The following CSTPP1 variants were observed in gnomAD, a reference collection of about 807,000 sequenced individuals.
The protein encoded by CSTPP1 is UPF0705 protein C11orf49.
At chr11:47,083,761 A>G in the CSTPP1 span, among the ~76,000 whole-genome samples, 1 of 152,226 alleles carries the variant, frequency 6.6e-6, no homozygotes, top group African/African-American at 2.4e-5. Context: ...ATGTTCATCC[A>G]CATTGTGGAA....
chr11:47,163,173 TAAA>T, the CSTPP1 span, among the ~76,000 whole-genome samples: 2 of 108,228 alleles, frequency 1.8e-5, no homozygotes, highest in African/African-American at 3.6e-5. Flanking sequence ...GAGACCATCT[TAAA>T]AAAAAAAAAA....
At chr11:47,123,846 C>A in the CSTPP1 span, among the ~76,000 whole-genome samples, 2 of 152,034 alleles carry the variant, frequency 1.3e-5, no homozygotes, top group African/African-American at 4.8e-5. Context: ...ACTAAAAATA[C>A]AAAAATTAGC....
the CSTPP1 span, chr11:47,160,935 A>G: frequency 1.5e-6 from 1 of 671,916 alleles, no homozygotes; most frequent in South Asian, 1.9e-5. Flanking sequence ...GGATTCAATA[A>G]ATGTATCAAG....
chr11:46,980,794 G>A, the CSTPP1 span, among the ~76,000 whole-genome samples: 1 of 152,030 alleles, frequency 6.6e-6, no homozygotes, highest in Non-Finnish European at 1.5e-5. Context: ...AAGAAAATTG[G>A]CAAAGGATAA....
chr11:47,142,101 G>A, the CSTPP1 span, among the ~76,000 whole-genome samples: 1 of 151,648 alleles, frequency 6.6e-6, no homozygotes, highest in Admixed American at 6.6e-5. Flanking sequence ...AAATTAGCTG[G>A]GCGTGGTGAT....
chr11:46,998,404 G>C, the CSTPP1 span, among the ~76,000 whole-genome samples: 1 of 152,190 alleles, frequency 6.6e-6, no homozygotes, highest in African/African-American at 2.4e-5. Context: ...TGATAGAAAT[G>C]TACTTGCCAA....
At chr11:46,942,387 C>T in the CSTPP1 span, among the ~76,000 whole-genome samples, 12 of 152,252 alleles carry the variant, frequency 7.9e-5, no homozygotes, top group South Asian at 2.3e-3. Flanking sequence ...CTGTTCTGGT[C>T]CCAGGTTTGC....
chr11:47,057,478 A>C, the CSTPP1 span, among the ~76,000 whole-genome samples: 2 of 152,194 alleles, frequency 1.3e-5, no homozygotes, highest in African/African-American at 4.8e-5. Context: ...TACTAAGGGA[A>C]TTGCCCTCTT....
the CSTPP1 span, among the ~76,000 whole-genome samples, chr11:47,042,641 ACTT>A: frequency 1.3e-5 from 2 of 151,676 alleles, no homozygotes; most frequent in Non-Finnish European, 2.9e-5. Flanking sequence ...TCAAGGAAAA[ACTT>A]CAACAACTTA....
At chr11:46,997,637 C>T in the CSTPP1 span, among the ~76,000 whole-genome samples, 2 of 152,206 alleles carry the variant, frequency 1.3e-5, no homozygotes. Flanking sequence ...AAAAGGCACT[C>T]TGATTTTTAG....
At chr11:47,018,630 A>G in the CSTPP1 span, among the ~76,000 whole-genome samples, 1 of 152,204 alleles carries the variant, frequency 6.6e-6, no homozygotes, top group Non-Finnish European at 1.5e-5. Context: ...AGTGTTGTCC[A>G]GAGTGGCTGT....
the CSTPP1 span, among the ~76,000 whole-genome samples, chr11:47,078,424 G>T: frequency 1.3e-5 from 2 of 152,172 alleles, no homozygotes; most frequent in Non-Finnish European, 2.9e-5. Flanking sequence ...AGGAGAAAGC[G>T]GTGTTAGTGA....
the CSTPP1 span, among the ~76,000 whole-genome samples, chr11:46,955,986 A>ACC: frequency 3.5e-4 from 41 of 115,634 alleles, no homozygotes; most frequent in South Asian, 2.3e-3. Context: ...GACTCCATCC[A>ACC]CCCCCCCCCC....
At chr11:47,137,540 G>T in the CSTPP1 span, 1 of 1,576,054 alleles carries the variant, frequency 6.3e-7, no homozygotes, top group Non-Finnish European at 8.6e-7. Context: ...GCTTTTAAAA[G>T]AACAGCTCTA....
the CSTPP1 span, chr11:47,162,068 G>T: frequency 3.2e-5 from 32 of 989,034 alleles, no homozygotes; most frequent in Non-Finnish European, 3.7e-5. Context: ...CACCTGCGAC[G>T]CAAGTACCAG....
chr11:46,976,425 TACAC>T, the CSTPP1 span, among the ~76,000 whole-genome samples: 2 of 141,046 alleles, frequency 1.4e-5, no homozygotes, highest in African/African-American at 2.6e-5. Context: ...ACACACACAG[TACAC>T]ACACACACAC....
At chr11:47,070,740 G>C in the CSTPP1 span, among the ~76,000 whole-genome samples, 1 of 152,166 alleles carries the variant, frequency 6.6e-6, no homozygotes, top group African/African-American at 2.4e-5. Context: ...CTGCAAGACA[G>C]TTGGAAATGT....
At chr11:47,111,363 G>A in the CSTPP1 span, among the ~76,000 whole-genome samples, 16 of 152,142 alleles carry the variant, frequency 1.1e-4, no homozygotes, top group African/African-American at 3.6e-4. Flanking sequence ...TCCCCGCTAC[G>A]AGTGCATTCA....
the CSTPP1 span, among the ~76,000 whole-genome samples, chr11:47,028,001 G>T: frequency 6.9e-6 from 1 of 144,564 alleles, no homozygotes; most frequent in South Asian, 2.1e-4. Context: ...TCGGCTCACT[G>T]CAAGCTCCAC....
Sources: gnomAD v4.1 joint callset for allele counts (sites outside exome capture counted in the v4.1 genomes callset) on GRCh38, gnomAD v4.1.1 for gene constraint, MANE v1.5 for transcripts, NCBI Gene and HGNC (gene_info 2026-07-23, HGNC 2026-07-21) for gene names.